Variants in UNC5A observed in about 807,000 individuals in gnomAD.
UNC5A encodes the protein netrin receptor UNC5A.
A neutral mutation model predicts 87.4 loss-of-function variants in UNC5A; 20 were observed. That is an observed-to-expected ratio of 0.23 (90% CI 0.16 to 0.33). The LOEUF is 0.33. Ranked by LOEUF, UNC5A falls within the 10% of genes least tolerant of loss-of-function variation. The pLI is 1.00. For missense variants in UNC5A, 844 were observed against 1,133.4 expected, an observed-to-expected ratio of 0.74 and a Z score of 3.67; for synonymous variants, 438 against 482.3, an observed-to-expected ratio of 0.91 and a Z score of 1.20.
intron 6 of UNC5A, 35 bp from the exon 7 acceptor site, chr5:176,873,933 C>G: frequency 6.2e-7 from 1 of 1,602,230 alleles, no homozygotes; most frequent in Non-Finnish European, 8.5e-7. Context: ...ACTCCTACAC[C>G]CCTGCCCCCA....
Position 176,844,377 on chromosome 5 carries a change from C to T in UNC5A, c.71-18247C>T, listed in dbSNP as rs1757351968. Among the ~76,000 whole-genome samples the T allele has an allele frequency of 6.6e-6, 1 of 152,102 alleles. No homozygotes were observed. Among genetic ancestry groups the T allele is most frequent in the African/African-American group, 2.4e-5 (1 of 41,446 alleles). ...GATCTGTGCAGGGCCCAGCCTCACT[C>T]TGTTCTCCTGGGCCTTCCCTGTGCC... On this transcript the variant is annotated intron_variant, in intron 1 of 14. Coordinates refer to ENST00000329542, the MANE Select transcript of UNC5A (RefSeq NM_133369.3). This position sits in a 1 kb window ranked among gnomAD's most constrained non-coding sequence, Gnocchi z 4.2.
rs911727601 is a variant in UNC5A, at chr5:176,875,725, A to G, written c.1378+1159A>G. Among the ~76,000 whole-genome samples, 2 of 152,014 alleles carry G rather than the reference A, an allele frequency of 1.3e-5. No individual in the cohort carries two copies. The highest frequency in any genetic ancestry group is 2.9e-5 in the Non-Finnish European group (2 of 67,974). Reference sequence around the variant, plus strand: ...CTGTCCCCTGCAGGCCAGCTGCTTCAGCCTCTTCCCTCACACACATCGTCC... The same window carrying G: ...CTGTCCCCTGCAGGCCAGCTGCTTCGGCCTCTTCCCTCACACACATCGTCC... On this transcript the variant is annotated intron_variant, in intron 8 of 14. Coordinates refer to ENST00000329542, the MANE Select transcript of UNC5A (RefSeq NM_133369.3). This position sits in a 1 kb window ranked among gnomAD's most constrained non-coding sequence, Gnocchi z 5.2.
intron 6 of UNC5A, 36 bp downstream of exon 6, chr5:176,870,570 G>A (rs1372521119): frequency 6.5e-7 from 1 of 1,540,606 alleles, no homozygotes; most frequent in South Asian, 1.2e-5. Context: ...TCTTCTGTTT[G>A]CCTGGATTGG....
Position 176,877,286 on chromosome 5 carries a change from C to T in UNC5A, c.1466+7C>T, listed in dbSNP as rs1260689879. 6.2e-7 allele frequency: 1 copy of T among 1,610,250 alleles called. No homozygotes were observed. On this transcript the variant is annotated splice_region_variant and intron_variant, in intron 9 of 14. Coordinates refer to ENST00000329542, the MANE Select transcript of UNC5A (RefSeq NM_133369.3). ...ACAAGCCGGAAGACGTGAGGTGTGGCCGCGGGCCCTGTTGCCGGGGGTGGG... is the reference window on the plus strand; with the variant it reads ...ACAAGCCGGAAGACGTGAGGTGTGGTCGCGGGCCCTGTTGCCGGGGGTGGG...
At chr5:176,864,871 C>T (rs1224895552) in intron 2 of UNC5A, 1 of 455,722 alleles carries the variant, frequency 2.2e-6, no homozygotes, top group Admixed American at 2.4e-5. Flanking sequence ...TGGGCACCAA[C>T]ACCTCCCAGG....
At chr5:176,870,624 C>T in intron 6 of UNC5A, 90 bp downstream of exon 6, 1 of 1,406,656 alleles carries the variant, frequency 7.1e-7, no homozygotes, top group Non-Finnish European at 9.5e-7. Context: ...GAGCTATTCT[C>T]CTGCCAAAGG....
rs1035549914 is a variant in UNC5A, at chr5:176,841,500, G to T, written c.71-21124G>T. Among the ~76,000 whole-genome samples the T allele has an allele frequency of 6.6e-6, 1 of 152,200 alleles. No individual in the cohort carries two copies. Among genetic ancestry groups the T allele is most frequent in the East Asian group, 1.9e-4 (1 of 5,198 alleles). The stretch of plus-strand genomic sequence containing the variant: ...GCTGTGGACATGTTATTGATTGAAT[G>T]TCTCTGAGCCTCAGTTTGTCACCTG... On this transcript the variant is annotated intron_variant, in intron 1 of 14. Coordinates refer to ENST00000329542, the MANE Select transcript of UNC5A (RefSeq NM_133369.3). This position sits in a 1 kb window ranked among gnomAD's most constrained non-coding sequence, Gnocchi z 4.1.
intron 1 of UNC5A, among the ~76,000 whole-genome samples, chr5:176,813,602 G>A (rs147833621): frequency 1.3e-5 from 2 of 152,248 alleles, no homozygotes; most frequent in African/African-American, 2.4e-5. Context: ...GTGTTGGGAG[G>A]GGGGGCTTCT....
At chr5:176,826,559 C>T (rs558884745) in intron 1 of UNC5A, among the ~76,000 whole-genome samples, 9 of 151,796 alleles carry the variant, frequency 5.9e-5, no homozygotes, top group African/African-American at 1.9e-4. Flanking sequence ...TAAAATTAAC[C>T]GTTTTAAGTG....
At chr5:176,830,830 ATG>A (rs1229461562) in intron 1 of UNC5A, among the ~76,000 whole-genome samples, 1 of 45,662 alleles carries the variant, frequency 2.2e-5, no homozygotes, top group African/African-American at 8.8e-5. Context: ...GCTGGCATGT[ATG>A]TGCTGGCATG....
At chr5:176,834,726 TCCTCTC>T (rs1220900801) in intron 1 of UNC5A, among the ~76,000 whole-genome samples, 40 of 141,436 alleles carry the variant, frequency 2.8e-4, no homozygotes, top group Middle Eastern at 3.6e-3. Flanking sequence ...TCTCTCTCCC[TCCTCTC>T]CCTCTCCCTC....
chr5:176,858,054 G>A (rs747916390), intron 1 of UNC5A, among the ~76,000 whole-genome samples: 13 of 152,222 alleles, frequency 8.5e-5, no homozygotes, highest in South Asian at 2.1e-4. Context: ...ACGCCCGTCC[G>A]TCAGTGGCCC....
chr5:176,810,849 G>C lies in UNC5A; in HGVS notation c.70+29G>C. 8.2e-7 allele frequency: 1 copy of C among 1,220,600 alleles called. No homozygotes were observed. Among genetic ancestry groups the C allele is most frequent in the Non-Finnish European group, 1.0e-6 (1 of 980,394 alleles). 75.6% of individuals were successfully genotyped at this position (1,220,600 alleles called of 1,614,324 possible). ...AGTCACGCCGCGCGCGCTCTGGGGA[G>C]GCTTGCGGGGGACCGTGCGCGCGAA... On this transcript the variant is annotated intron_variant, in intron 1 of 14. Transcript: ENST00000329542. This position sits in a 1 kb window ranked among gnomAD's most constrained non-coding sequence, Gnocchi z 7.3.
At position 176,879,989 on chromosome 5, in the gene UNC5A, G is replaced by A. The variant is rs189219237; in HGVS notation, c.*103G>A. 692 of 1,416,436 alleles carry A rather than the reference G, an allele frequency of 4.9e-4. 1 individual carries two copies. The highest frequency in any genetic ancestry group is 6.2e-4 in the Non-Finnish European group (662 of 1,067,498). 87.7% of individuals were successfully genotyped at this position (1,416,436 alleles called of 1,614,324 possible). ...TTCCCCACACCGGGGAGAGCTGCTC[G>A]GACAGGCCCCCTCCCGGCCGAAGCT... On this transcript the variant is annotated 3_prime_UTR_variant, in exon 15 of 15. Coordinates refer to ENST00000329542, the MANE Select transcript of UNC5A (RefSeq NM_133369.3).
intron 1 of UNC5A, among the ~76,000 whole-genome samples, chr5:176,817,423 C>T (rs1756617630): frequency 6.6e-6 from 1 of 152,094 alleles, no homozygotes; most frequent in African/African-American, 2.4e-5. Context: ...CGCCCCAGGC[C>T]AGCAGGTCCA....
At position 176,869,573 on chromosome 5, in the gene UNC5A, C is replaced by CGCCCCTTCTCAGGGAGCCTCCT. The variant is rs1561665755; in HGVS notation, c.721+614_721+615insTTCTCAGGGAGCCTCCTGCCCC. On this transcript the variant is annotated intron_variant, in intron 5 of 14. Coordinates refer to ENST00000329542, the MANE Select transcript of UNC5A (RefSeq NM_133369.3). This position sits in a 1 kb window ranked among gnomAD's most constrained non-coding sequence, Gnocchi z 9.1. ...TCCCCTGGGCCAGTGTATCTGAGGA[C>CGCCCCTTCTCAGGGAGCCTCCT]GCCCCCGCTCCCTGACCCCAGTCCT... 1 of 679,114 alleles carries CGCCCCTTCTCAGGGAGCCTCCT rather than the reference C, an allele frequency of 1.5e-6. No homozygotes were observed. The highest frequency in any genetic ancestry group is 2.7e-6 in the Non-Finnish European group (1 of 371,336). 42.1% of individuals were successfully genotyped at this position (679,114 alleles called of 1,614,324 possible). A position where few individuals can be genotyped will look rare whatever the true frequency, so the allele number is the denominator to read the frequency against.
At chr5:176,811,445 G>A (rs1014730370) in intron 1 of UNC5A, among the ~76,000 whole-genome samples, 1 of 152,226 alleles carries the variant, frequency 6.6e-6, no homozygotes, top group Non-Finnish European at 1.5e-5. Context: ...CGGGGCTGTG[G>A]CTCCTGGCCT....
At chr5:176,862,321 T>C (rs1400383308) in intron 1 of UNC5A, among the ~76,000 whole-genome samples, 1 of 152,216 alleles carries the variant, frequency 6.6e-6, no homozygotes, top group Non-Finnish European at 1.5e-5. Context: ...GCCAGATCCC[T>C]GGACTTCTAG....
chr5:176,836,719 G>A (rs1045496768), intron 1 of UNC5A, among the ~76,000 whole-genome samples: 4 of 152,280 alleles, frequency 2.6e-5, no homozygotes, highest in Middle Eastern at 3.4e-3. Context: ...AGAGCGAACC[G>A]CTCCCCCAGC....
Sources: allele counts gnomAD v4.1 joint callset (sites outside exome capture counted in the v4.1 genomes callset), GRCh38; gene constraint gnomAD v4.1.1; non-coding constraint Gnocchi (gnomAD v3.1); transcripts MANE v1.5; gene names NCBI Gene and HGNC (gene_info 2026-07-23, HGNC 2026-07-21).